The following RBM20 variants were observed in gnomAD, a reference collection of about 807,000 sequenced individuals.
RBM20 encodes the protein RNA binding motif protein 20.
RBM20 carries 51 observed loss-of-function variants against 110.1 expected under a neutral mutation model. The ratio of observed to expected loss-of-function variants is 0.46; its 90% CI spans 0.37 to 0.59. The LOEUF (loss-of-function observed/expected upper bound fraction) is 0.59. Ranked by LOEUF, RBM20 falls within the 20% of genes least tolerant of loss-of-function variation. The pLI is 0.00. For missense variants in RBM20, 1,512 were observed against 1,574.9 expected, an observed-to-expected ratio of 0.96 and a Z score of 0.68; for synonymous variants, 589 against 618.2, an observed-to-expected ratio of 0.95 and a Z score of 0.70.
intron 1 of RBM20, among the ~76,000 whole-genome samples, chr10:110,772,304 G>A (rs944619136): frequency 3.9e-5 from 6 of 152,160 alleles, no homozygotes; most frequent in South Asian, 4.1e-4. Context: ...GAGAGCCTCC[G>A]TGCTGAACTG....
intron 1 of RBM20, among the ~76,000 whole-genome samples, chr10:110,719,626 T>C (rs1418023968): frequency 6.6e-6 from 1 of 152,238 alleles, no homozygotes; most frequent in East Asian, 1.9e-4. Context: ...TTTGAACCTG[T>C]TCATCTTTTT....
rs1590710460 is a variant in RBM20, at chr10:110,835,662, C to T, written c.3574-206C>T. ...TACTTTCTACATTTTCTACAGGAGA[C>T]ATGTATTACTTGCAAGCTAACATAA... On this transcript the variant is annotated intron_variant, in intron 13 of 13. Transcript: ENST00000369519. The T allele has an allele frequency of 8.7e-6, 4 of 460,480 alleles. No individual in the cohort carries two copies. The East Asian group carries it at 1.5e-4, about 17-fold the overall frequency. The allele number at this position is 460,480 out of a possible 1,614,324, so 28.5% of individuals were successfully genotyped here.
chr10:110,814,989 G>A (rs1297914021), intron 9 of RBM20, among the ~76,000 whole-genome samples: 7 of 152,072 alleles, frequency 4.6e-5, no homozygotes, highest in Admixed American at 1.3e-4. Context: ...AATTAATGAC[G>A]GCATCATGAG....
chr10:110,757,143 G>T (rs563368316), intron 1 of RBM20, among the ~76,000 whole-genome samples: 1 of 152,206 alleles, frequency 6.6e-6, no homozygotes, highest in Non-Finnish European at 1.5e-5. Flanking sequence ...CCTTCCTAGT[G>T]TGGTTCAGAG....
chr10:110,792,161 ATC>A (rs879791942), intron 5 of RBM20, among the ~76,000 whole-genome samples: 2,654 of 151,596 alleles, frequency 0.018, 78 homozygotes, highest in African/African-American at 0.061. Context: ...CTATCTATCT[ATC>A]TATCTATCTA....
intron 1 of RBM20, among the ~76,000 whole-genome samples, chr10:110,686,754 A>G (rs1447317604): frequency 6.6e-6 from 1 of 152,212 alleles, no homozygotes; most frequent in Admixed American, 6.5e-5. Context: ...AGTAAAAGAA[A>G]TAGGCCGGGT....
chr10:110,791,516 G>A (rs1308019584), intron 5 of RBM20, among the ~76,000 whole-genome samples: 1 of 152,212 alleles, frequency 6.6e-6, no homozygotes, highest in Non-Finnish European at 1.5e-5. Context: ...GAACTCATCT[G>A]TGAAGGCTAT....
At chr10:110,788,928 T>C (rs1844452082) in intron 5 of RBM20, among the ~76,000 whole-genome samples, 1 of 152,240 alleles carries the variant, frequency 6.6e-6, no homozygotes, top group South Asian at 2.1e-4. Context: ...ACAAAACTTA[T>C]GCTTATTGTG....
intron 1 of RBM20, among the ~76,000 whole-genome samples, chr10:110,689,422 A>G (rs989483118): frequency 1.3e-5 from 2 of 152,240 alleles, no homozygotes; most frequent in African/African-American, 4.8e-5. Context: ...AAAATCAATC[A>G]GACTAAGGAC....
At chr10:110,758,732 T>C (rs1192546400) in intron 1 of RBM20, among the ~76,000 whole-genome samples, 8 of 152,212 alleles carry the variant, frequency 5.3e-5, no homozygotes, top group Admixed American at 3.9e-4. Flanking sequence ...TGAGGAGCTG[T>C]GTTTTAAATT....
chr10:110,698,822 A>T (rs1430306209), intron 1 of RBM20, among the ~76,000 whole-genome samples: 1 of 152,202 alleles, frequency 6.6e-6, no homozygotes, highest in East Asian at 1.9e-4. Flanking sequence ...AGATGCTGGC[A>T]GAGGATGGTG....
intron 1 of RBM20, among the ~76,000 whole-genome samples, chr10:110,694,710 C>G (rs1205068480): frequency 1.3e-5 from 2 of 152,100 alleles, no homozygotes; most frequent in African/African-American, 4.8e-5. Context: ...AACCACAGCC[C>G]TCTTGCTAAC....
intron 1 of RBM20, among the ~76,000 whole-genome samples, chr10:110,668,598 G>C (rs1590605745): frequency 8.3e-6 from 1 of 120,154 alleles, no homozygotes; most frequent in South Asian, 2.7e-4. Flanking sequence ...CAGGTGGAGG[G>C]AGGGAGAGGA....
At position 110,688,929 on chromosome 10, in the gene RBM20, GT is replaced by G. The variant is rs5787866; in HGVS notation, c.191+44295del. 6.7e-3 allele frequency among the ~76,000 whole-genome samples: 951 copies of G among 141,200 alleles called. 5 individuals are homozygous for G. The highest frequency in any genetic ancestry group is 0.019 in the African/African-American group (751 of 38,640). The allele number at this position is 141,200 out of a possible 152,430, so 92.6% of individuals were successfully genotyped here. On this transcript the variant is annotated intron_variant, in intron 1 of 13. Coordinates refer to ENST00000369519, the MANE Select transcript of RBM20 (RefSeq NM_001134363.3). The stretch of plus-strand genomic sequence containing the variant: ...CTATAATAGCTTCTCTGTCTTTCCT[GT>G]TTTTTTTTTTAATCTCCTTTACAGT...
intron 1 of RBM20, among the ~76,000 whole-genome samples, chr10:110,759,133 T>C (rs915259497): frequency 3.3e-5 from 5 of 152,242 alleles, no homozygotes; most frequent in Non-Finnish European, 5.9e-5. Flanking sequence ...AGCCTTTGTC[T>C]GTGCAGGATG....
chr10:110,741,537 C>T (rs975630392), intron 1 of RBM20, among the ~76,000 whole-genome samples: 2 of 152,138 alleles, frequency 1.3e-5, no homozygotes, highest in African/African-American at 4.8e-5. Flanking sequence ...CTTCCTTTCC[C>T]TCACCTCTAC....
chr10:110,673,797 T>C (rs1862294402), intron 1 of RBM20, among the ~76,000 whole-genome samples: 2 of 152,202 alleles, frequency 1.3e-5, no homozygotes, highest in Non-Finnish European at 2.9e-5. Flanking sequence ...GTTTCAGGGA[T>C]TGAAGTGGTA....
intron 1 of RBM20, among the ~76,000 whole-genome samples, chr10:110,752,628 T>A (rs569846811): frequency 3.9e-5 from 6 of 152,162 alleles, no homozygotes; most frequent in African/African-American, 1.4e-4. Flanking sequence ...TTTTTTCCAA[T>A]GATTTTTCAT....
intron 1 of RBM20, among the ~76,000 whole-genome samples, chr10:110,722,979 G>A (rs537925532): frequency 1.3e-5 from 2 of 152,242 alleles, no homozygotes; most frequent in Admixed American, 1.3e-4. Flanking sequence ...GGGCGTTGTG[G>A]CATGCACCTG....
Sources: allele counts gnomAD v4.1 joint callset (sites outside exome capture counted in the v4.1 genomes callset), GRCh38; gene constraint gnomAD v4.1.1; transcripts MANE v1.5; gene names NCBI Gene and HGNC (gene_info 2026-07-23, HGNC 2026-07-21).